Variants in KCNU1 observed in about 807,000 individuals in gnomAD.
KCNU1 encodes potassium channel subfamily U member 1.
Under a neutral mutation model 126.8 loss-of-function variants are expected in KCNU1, and 93 were observed. That is an observed-to-expected ratio of 0.73 (90% confidence interval 0.62 to 0.87). KCNU1 has a LOEUF of 0.87. Among genes scored for constraint, KCNU1 ranks in the 40% least tolerant of loss-of-function variants. KCNU1 has a pLI of 0.00. For missense variants in KCNU1, 1,330 were observed against 1,367.1 expected (o/e 0.97, Z 0.43); for synonymous variants, 523 against 494.2 (o/e 1.06, Z -0.77).
intron 21 of KCNU1, among the ~76,000 whole-genome samples, chr8:36,910,438 G>A (rs546945805): frequency 4.5e-4 from 69 of 152,200 alleles, no homozygotes; most frequent in Non-Finnish European, 5.1e-4. Context: ...CCAACCTACC[G>A]GAAGACAGTA....
Position 36,840,961 on chromosome 8 carries a change from T to C in KCNU1, c.1661T>C (p.Leu554Ser). The change falls in exon 16 of 27, where the codon TTG becomes TCG. Residue 554 changes from leucine (L) to serine (S), a missense_variant. Leu to Ser is a moderately radical substitution (Grantham distance 145). This residue lies in a region of KCNU1 where 1,054 missense variants were observed against 1,053.9 expected (regional missense o/e 1.00). Transcript: ENST00000399881. ...TGCTTTCTGAAGATGCACCTCCTGTTGATAGCCATCGAATACAAGTCCCTC... is the reference window on the plus strand; with the variant it reads ...TGCTTTCTGAAGATGCACCTCCTGTCGATAGCCATCGAATACAAGTCCCTC... ...RLCFLKMHLL[L>S]IAIEYKSLFT... The C allele has an allele frequency of 1.2e-6, 2 of 1,613,278 alleles. No homozygotes were observed. The highest frequency in any genetic ancestry group is 1.7e-6 in the Non-Finnish European group (2 of 1,179,350).
intron 15 of KCNU1, 45 bp from the exon 16 acceptor site, chr8:36,840,887 C>A: frequency 1.5e-6 from 2 of 1,343,896 alleles, no homozygotes; most frequent in African/African-American, 1.4e-5. Context: ...TTTTGTTGTT[C>A]ACTGACCGCT....
chr8:36,934,954 A>G (rs1177944717), intron 26 of KCNU1, among the ~76,000 whole-genome samples: 1 of 152,028 alleles, frequency 6.6e-6, no homozygotes, highest in Non-Finnish European at 1.5e-5. Context: ...TTTTTTTCTA[A>G]TGCTTTTCTC....
intron 19 of KCNU1, among the ~76,000 whole-genome samples, chr8:36,899,958 G>A (rs771483731): frequency 2.6e-5 from 4 of 152,122 alleles, no homozygotes; most frequent in Non-Finnish European, 4.4e-5. Flanking sequence ...AGAATGGCCG[G>A]TAGACAGTGT....
rs1006401188 is a variant in KCNU1 at position 36,935,721 on chromosome 8, C to A, written c.3251C>A (p.Thr1084Lys). 1 of 1,613,124 alleles carries A rather than the reference C, an allele frequency of 6.2e-7. No homozygotes were observed. Among genetic ancestry groups the A allele is most frequent in the Admixed American group, 1.7e-5 (1 of 59,974 alleles). The change falls in exon 27 of 27, where the codon ACA (threonine) becomes AAA (lysine). Residue 1084 changes from threonine to lysine, a missense_variant. Thr to Lys is a moderately conservative substitution (Grantham distance 78). Coordinates refer to ENST00000399881, the MANE Select transcript of KCNU1 (RefSeq NM_001031836.3). ...CCCACCATTGATTCAGTTACTGAGA[C>A]ATTGTATTCACCAGTCTATTCTTAC... ...CPPTIDSVTE[T>K]LYSPVYSYQP... is the part of the protein sequence containing the mutation.
At chr8:36,914,413 C>A (rs991532831) in intron 22 of KCNU1, among the ~76,000 whole-genome samples, 1 of 152,238 alleles carries the variant, frequency 6.6e-6, no homozygotes, top group Non-Finnish European at 1.5e-5. Flanking sequence ...CGGCCTCACA[C>A]AATTAGAAAA....
chr8:36,816,107 T>TTG (rs1803900630), intron 9 of KCNU1, among the ~76,000 whole-genome samples: 1 of 131,930 alleles, frequency 7.6e-6, no homozygotes, highest in Non-Finnish European at 1.6e-5. Context: ...TAAAATAATT[T>TTG]AGTTCAGTTG....
intron 11 of KCNU1, among the ~76,000 whole-genome samples, chr8:36,834,063 A>G (rs2130547947): frequency 6.6e-6 from 1 of 152,326 alleles, no homozygotes; most frequent in African/African-American, 2.4e-5. Flanking sequence ...AAATGCATGG[A>G]TATGCTTTCC....
intron 10 of KCNU1, among the ~76,000 whole-genome samples, chr8:36,819,588 C>T (rs1265769714): frequency 6.6e-6 from 1 of 152,122 alleles, no homozygotes; most frequent in Non-Finnish European, 1.5e-5. Flanking sequence ...CTCAAGGCCA[C>T]TTTATTTGTT....
chr8:36,842,812 AG>A (rs1437157239), intron 16 of KCNU1, among the ~76,000 whole-genome samples: 3 of 152,168 alleles, frequency 2.0e-5, no homozygotes, highest in Non-Finnish European at 4.4e-5. Flanking sequence ...CTGAGATTAC[AG>A]GTGTGTGCAC....
chr8:36,854,494 CAA>C (rs1321509052), intron 18 of KCNU1, among the ~76,000 whole-genome samples: 2 of 129,874 alleles, frequency 1.5e-5, no homozygotes, highest in African/African-American at 5.7e-5. Context: ...TTTGCATGCT[CAA>C]GTCTGATCTT....
intron 1 of KCNU1, among the ~76,000 whole-genome samples, chr8:36,786,512 A>G (rs1378053158): frequency 2.0e-5 from 3 of 152,196 alleles, no homozygotes; most frequent in African/African-American, 7.2e-5. Context: ...TCCTGGCTTC[A>G]TATAAAATGA....
At chr8:36,859,187 G>C (rs917270149) in intron 18 of KCNU1, among the ~76,000 whole-genome samples, 4 of 152,166 alleles carry the variant, frequency 2.6e-5, no homozygotes, top group Non-Finnish European at 5.9e-5. Flanking sequence ...TTAGAAAGAG[G>C]CTGCTTGACC....
At chr8:36,816,267 G>A (rs569675689) in intron 9 of KCNU1, among the ~76,000 whole-genome samples, 72 of 152,190 alleles carry the variant, frequency 4.7e-4, no homozygotes, top group Admixed American at 1.8e-3. Flanking sequence ...GAGGAAAATG[G>A]AGTGGAGTTG....
In KCNU1 at chr8:36,829,184, T is replaced by A. The variant is rs74329018; in HGVS notation, c.1107-4370T>A. ...TTATTTGCAATAATTCTTCATCAGT[T>A]GTGGGAACTGCAATTTCTTCTTTCA... On this transcript the variant is annotated intron_variant, in intron 10 of 26. Coordinates refer to ENST00000399881, the MANE Select transcript of KCNU1 (RefSeq NM_001031836.3). Among the ~76,000 whole-genome samples, 759 of 152,250 alleles carry A rather than the reference T, an allele frequency of 5.0e-3. 11 individuals carry two copies. The highest frequency in any genetic ancestry group is 0.017 in the African/African-American group (720 of 41,578).
intron 2 of KCNU1, among the ~76,000 whole-genome samples, chr8:36,792,774 G>T (rs755196199): frequency 6.6e-6 from 1 of 152,078 alleles, no homozygotes; most frequent in Non-Finnish European, 1.5e-5. Flanking sequence ...TTATTATAGT[G>T]TTGTCATTAT....
intron 19 of KCNU1, among the ~76,000 whole-genome samples, chr8:36,889,600 G>A (rs372344812): frequency 2.8e-4 from 43 of 152,122 alleles, no homozygotes; most frequent in African/African-American, 1.0e-3. Context: ...GCATAAAGAA[G>A]AATACAAAAT....
chr8:36,923,640 C>G (rs576787244), intron 24 of KCNU1, among the ~76,000 whole-genome samples: 1 of 152,290 alleles, frequency 6.6e-6, no homozygotes, highest in Admixed American at 6.5e-5. Context: ...GCAGATGGAA[C>G]AATGGCAAGA....
At chr8:36,831,831 G>C (rs1486474988) in intron 10 of KCNU1, among the ~76,000 whole-genome samples, 1 of 151,170 alleles carries the variant, frequency 6.6e-6, no homozygotes. Flanking sequence ...TGAAGTCCTT[G>C]CCCATGCCTG....
Sources: allele counts gnomAD v4.1 joint callset (sites outside exome capture counted in the v4.1 genomes callset), GRCh38; gene constraint gnomAD v4.1.1; regional missense constraint gnomAD v4.1.1; transcripts MANE v1.5; gene names NCBI Gene and HGNC (gene_info 2026-07-23, HGNC 2026-07-21).